Variants in CSPP1 observed in about 807,000 individuals in gnomAD.
The protein encoded by CSPP1 is centrosome and spindle pole-associated protein 1.
CSPP1 carries 126 observed loss-of-function variants against 164.4 expected under a neutral mutation model. That is an observed-to-expected ratio of 0.77 (90% CI 0.66 to 0.89). The LOEUF is 0.89. Ranked by LOEUF, CSPP1 falls within the 40% of genes least tolerant of loss-of-function variation. The pLI is 0.00. For synonymous variants in CSPP1, 472 were observed against 476.7 expected (o/e 0.99, Z 0.13); for missense variants, 1,395 against 1,449.8 (o/e 0.96, Z 0.61).
intron 18 of CSPP1, among the ~76,000 whole-genome samples, chr8:67,151,078 C>T (rs1825610228): frequency 1.3e-5 from 2 of 152,200 alleles, no homozygotes; most frequent in African/African-American, 2.4e-5. Context: ...CATAGCCCTG[C>T]ATCTTTCAAG....
At position 67,111,986 on chromosome 8, in the gene CSPP1, G is replaced by C. The variant is rs1235251516; in HGVS notation, c.1108G>C (p.Glu370Gln). Residue 370 changes from glutamate to glutamine, a missense_variant, in exon 10 of 31, where the codon GAA becomes CAA. Physicochemically the swap from Glu to Gln is conservative, Grantham distance 29. Transcript: ENST00000678616. ...CCACTATCTAGGAGGTGAAGATCGA[G>C]AACTTATTCAGAGAAGGAAAGAGAA... ...AGMLFGGEDRELIQRRKEKYR... is the reference protein window; with the variant it reads ...AGMLFGGEDRQLIQRRKEKYR... The C allele has an allele frequency of 6.2e-7, 1 of 1,608,244 alleles. No homozygotes were observed. The highest frequency in any genetic ancestry group is 1.1e-5 in the South Asian group (1 of 90,554).
chr8:67,102,759 G>A (rs1350965557), intron 7 of CSPP1, among the ~76,000 whole-genome samples: 2 of 152,150 alleles, frequency 1.3e-5, no homozygotes, highest in African/African-American at 4.8e-5. Flanking sequence ...TGATAAAAAA[G>A]TGTTAGTATA....
At chr8:67,118,098 A>T in intron 13 of CSPP1, 150 bp from the exon 14 acceptor site, 1 of 735,024 alleles carries the variant, frequency 1.4e-6, no homozygotes, top group South Asian at 1.9e-5. Context: ...TTAAGTCATA[A>T]TTTTTGGTGA....
chr8:67,113,079 A>C (rs1334832110), intron 10 of CSPP1, among the ~76,000 whole-genome samples: 1 of 152,186 alleles, frequency 6.6e-6, no homozygotes, highest in African/African-American at 2.4e-5. Context: ...CCCCGTCTCT[A>C]CTAAAAATAC....
chr8:67,083,548 A>AAATATAT (rs1332248754), intron 3 of CSPP1: 18 of 91,478 alleles, frequency 2.0e-4, no homozygotes, highest in East Asian at 6.9e-4. Context: ...AAAAAAAAAA[A>AAATATAT]ATATATATAT....
chr8:67,098,496 C>G (rs1240335291), intron 7 of CSPP1, among the ~76,000 whole-genome samples: 3 of 151,656 alleles, frequency 2.0e-5, no homozygotes, highest in African/African-American at 7.3e-5. Flanking sequence ...TGTTGCCTTC[C>G]TAAACTCATA....
At chr8:67,106,326 C>T (rs1285715083) in intron 9 of CSPP1, among the ~76,000 whole-genome samples, 2 of 151,758 alleles carry the variant, frequency 1.3e-5, no homozygotes, top group Non-Finnish European at 2.9e-5. Context: ...TGATCATTAC[C>T]AATCAGTAAT....
chr8:67,128,019 A>G (rs932488738), intron 15 of CSPP1, among the ~76,000 whole-genome samples: 6 of 152,158 alleles, frequency 3.9e-5, no homozygotes, highest in Admixed American at 2.6e-4. Flanking sequence ...GCATGCTTTA[A>G]TCTTTGTATC....
rs1208794205 is a variant in CSPP1, at chr8:67,179,595, GAGTGGAGCT to G, written c.3157-265_3157-257del. Among the ~76,000 whole-genome samples the G allele has an allele frequency of 3.3e-5, 5 of 152,330 alleles. No individual in the cohort carries two copies. The Middle Eastern group carries it at 0.01, about 311-fold the overall frequency. On this transcript the variant is annotated intron_variant, in intron 27 of 30. Coordinates refer to ENST00000678616, the MANE Select transcript of CSPP1 (RefSeq NM_001382391.1). ...ACTTCAACCATAAAGGGGCAGGAAG[GAGTGGAGCT>G]AGGGAGTAAATGTGTTAGCTTGTAG...
intron 1 of CSPP1, among the ~76,000 whole-genome samples, chr8:67,070,465 A>C (rs74577047): frequency 6.7e-6 from 1 of 150,008 alleles, no homozygotes; most frequent in Non-Finnish European, 1.5e-5. Context: ...TCCATCTCAA[A>C]AAAAAAAAAA....
At chr8:67,160,036 T>C (rs1243677633) in intron 21 of CSPP1, among the ~76,000 whole-genome samples, 2 of 52,670 alleles carry the variant, frequency 3.8e-5, no homozygotes, top group Non-Finnish European at 6.2e-5. Flanking sequence ...CTTTTCTTTT[T>C]CTTTTTCTTT....
At chr8:67,192,517 T>C (rs1337274336) in intron 29 of CSPP1, among the ~76,000 whole-genome samples, 2 of 152,248 alleles carry the variant, frequency 1.3e-5, no homozygotes, top group African/African-American at 4.8e-5. Flanking sequence ...GATGGTGTTC[T>C]TTGAAGCACA....
intron 28 of CSPP1, among the ~76,000 whole-genome samples, chr8:67,189,289 C>T (rs1835535165): frequency 6.6e-6 from 1 of 152,174 alleles, no homozygotes; most frequent in African/African-American, 2.4e-5. Context: ...GAGCTGAAAA[C>T]TTGTCCATAA....
chr8:67,149,408 G>A (rs1825242690), intron 17 of CSPP1, among the ~76,000 whole-genome samples: 1 of 152,136 alleles, frequency 6.6e-6, no homozygotes, highest in South Asian at 2.1e-4. Context: ...ACATAATTAT[G>A]TGTTATTAGG....
chr8:67,160,351 G>A (rs1335045888), intron 21 of CSPP1, among the ~76,000 whole-genome samples: 1 of 151,692 alleles, frequency 6.6e-6, no homozygotes, highest in Admixed American at 6.6e-5. Context: ...TGTAGTCCCA[G>A]CTACTCAGGA....
intron 15 of CSPP1, among the ~76,000 whole-genome samples, chr8:67,126,240 C>T (rs1278973404): frequency 6.6e-6 from 1 of 152,184 alleles, no homozygotes; most frequent in Non-Finnish European, 1.5e-5. Flanking sequence ...CTGAAATTTT[C>T]TGTTGACTTC....
At position 67,195,492 on chromosome 8, in the gene CSPP1, C is replaced by T. The variant is rs1287202578; in HGVS notation, c.3580C>T (p.Leu1194=). ...GCTCCGCCCTGGCACTTCAGAAACG[C>T]TGAAACGTTTCATGGCAGAGCAGCT... ...PWLRPGTSET[L]KRFMAEQLNQ... Residue 1194 remains leucine, a synonymous_variant, in exon 31 of 31, where the codon CTG becomes TTG. Coordinates refer to ENST00000678616, the MANE Select transcript of CSPP1 (RefSeq NM_001382391.1). The T allele has an allele frequency of 1.4e-5, 23 of 1,614,082 alleles. No individual in the cohort carries two copies. The highest frequency in any genetic ancestry group is 2.7e-5 in the African/African-American group (2 of 74,940).
chr8:67,110,180 T>C (rs546578751), intron 9 of CSPP1, among the ~76,000 whole-genome samples: 67 of 150,180 alleles, frequency 4.5e-4, no homozygotes, highest in Admixed American at 7.3e-4. Context: ...TTTTTTTTTT[T>C]CCCCAGGTTG....
At chr8:67,132,932 C>T (rs959672290) in intron 16 of CSPP1, among the ~76,000 whole-genome samples, 1 of 152,150 alleles carries the variant, frequency 6.6e-6, no homozygotes. Flanking sequence ...TAGAATTACA[C>T]TTGGATTTCT....
Sources: allele counts gnomAD v4.1 joint callset (sites outside exome capture counted in the v4.1 genomes callset), GRCh38; gene constraint gnomAD v4.1.1; transcripts MANE v1.5; gene names NCBI Gene and HGNC (gene_info 2026-07-23, HGNC 2026-07-21).